Variants in NUP160 observed in about 807,000 individuals in gnomAD.
The protein encoded by NUP160 is nucleoporin 160, also known as nuclear pore complex protein Nup160.
NUP160 carries 94 observed loss-of-function variants against 196.9 expected under a neutral mutation model. The ratio of observed to expected loss-of-function variants is 0.48; its 90% CI spans 0.40 to 0.57. The LOEUF is 0.57. NUP160 is among the 20% of genes least tolerant of loss of function. NUP160 has a pLI of 0.00. For missense variants in NUP160, 1,638 were observed against 1,748.3 expected, an observed-to-expected ratio of 0.94 and a Z score of 1.13; for synonymous variants, 605 against 619.7, an observed-to-expected ratio of 0.98 and a Z score of 0.35.
chr11:47,793,763 G>A (rs1169864820), intron 27 of NUP160, among the ~76,000 whole-genome samples: 4 of 60,968 alleles, frequency 6.6e-5, no homozygotes, highest in Middle Eastern at 8.3e-3. Flanking sequence ...TTTTTGAGAC[G>A]GAGTTTTGTT....
At chr11:47,808,511 G>C in exon 18 of NUP160, 1 of 1,613,862 alleles carries the variant, frequency 6.2e-7, no homozygotes, top group Non-Finnish European at 8.5e-7. Context: ...TGAAAGAGCT[G>C]ACCAGTTCCC....
chr11:47,803,178 T>TAATAATAAC (rs1057398223), intron 22 of NUP160, among the ~76,000 whole-genome samples: 1 of 148,548 alleles, frequency 6.7e-6, no homozygotes, highest in Non-Finnish European at 1.5e-5. Flanking sequence ...ATAATAATAA[T>TAATAATAAC]AAAAGGAATC....
exon 1 of NUP160, chr11:47,848,398 G>A (rs745622050): frequency 2.2e-5 from 35 of 1,594,532 alleles, no homozygotes; most frequent in Non-Finnish European, 2.4e-5. Flanking sequence ...TGGGGCGGGC[G>A]GAGCTGCGGA....
At chr11:47,812,672 G>A (rs888717686) in intron 15 of NUP160, among the ~76,000 whole-genome samples, 1 of 152,142 alleles carries the variant, frequency 6.6e-6, no homozygotes. Context: ...TCGGTTAATT[G>A]TTAAAGCATA....
intron 18 of NUP160, 109 bp from the exon 19 acceptor site, chr11:47,807,249 A>T (rs1202086185): frequency 8.9e-5 from 61 of 689,154 alleles, no homozygotes; most frequent in Non-Finnish European, 2.5e-6. Flanking sequence ...AATTGCACAT[A>T]AAAGCTCCAC....
intron 11 of NUP160, among the ~76,000 whole-genome samples, chr11:47,817,147 C>CTAT (rs753493865): frequency 2.7e-4 from 41 of 150,836 alleles, no homozygotes; most frequent in Admixed American, 5.3e-4. Flanking sequence ...GGCTATTTTT[C>CTAT]TATTATTATT....
At chr11:47,842,408 C>T (rs189144961) in intron 2 of NUP160, among the ~76,000 whole-genome samples, 6 of 152,300 alleles carry the variant, frequency 3.9e-5, no homozygotes, top group Admixed American at 2.6e-4. Flanking sequence ...ATAATTCCTT[C>T]GCTTTCCTGC....
At chr11:47,817,287 G>C (rs1205653466) in intron 11 of NUP160, among the ~76,000 whole-genome samples, 1 of 151,058 alleles carries the variant, frequency 6.6e-6, no homozygotes, top group Non-Finnish European at 1.5e-5. Flanking sequence ...GTTGGCCAAA[G>C]AATCCTTTTG....
intron 7 of NUP160, among the ~76,000 whole-genome samples, chr11:47,822,725 C>A (rs1285114368): frequency 6.6e-6 from 1 of 152,160 alleles, no homozygotes; most frequent in Non-Finnish European, 1.5e-5. Flanking sequence ...CCCACTCCCC[C>A]TACCCCACGA....
chr11:47,806,628 C>T (rs2097677816), intron 19 of NUP160: 1 of 270,192 alleles, frequency 3.7e-6, no homozygotes. Context: ...AACTTTTATA[C>T]CAGAACAATA....
exon 27 of NUP160, chr11:47,797,814 T>C: frequency 1.2e-6 from 2 of 1,613,242 alleles, no homozygotes; most frequent in African/African-American, 1.3e-5. Flanking sequence ...GTGAAAGGCA[T>C]ACAGAAGTTC....
chr11:47,840,421 A>G (rs1284121526), exon 3 of NUP160: 2 of 1,614,170 alleles, frequency 1.2e-6, no homozygotes, highest in South Asian at 1.1e-5. Flanking sequence ...TAACCTGTGC[A>G]CTGTTTGATT....
At chr11:47,822,144 C>G in exon 8 of NUP160, 1 of 1,608,284 alleles carries the variant, frequency 6.2e-7, no homozygotes, top group East Asian at 2.2e-5. Flanking sequence ...TCTCAGTGCT[C>G]ACCAACTGGA....
At chr11:47,800,395 CTT>C (rs984091868) in intron 23 of NUP160, among the ~76,000 whole-genome samples, 5 of 143,028 alleles carry the variant, frequency 3.5e-5, no homozygotes, top group African/African-American at 2.5e-5. Context: ...GGGTTTTTTT[CTT>C]TTTTTTTTTT....
At chr11:47,848,489 CGAG>C, upstream of NUP160, 1 of 1,277,956 alleles carries the variant, frequency 7.8e-7, no homozygotes, top group Admixed American at 2.6e-5. Context: ...GGGTGGGCAG[CGAG>C]GAATCCAGAA....
chr11:47,779,948 G>A (rs909635511), intron 35 of NUP160, among the ~76,000 whole-genome samples: 1 of 152,128 alleles, frequency 6.6e-6, no homozygotes, highest in East Asian at 1.9e-4. Context: ...AGCTGATCTC[G>A]AACTCCTGAC....
chr11:47,784,189 T>C (rs2097663205), intron 33 of NUP160, among the ~76,000 whole-genome samples: 1 of 152,256 alleles, frequency 6.6e-6, no homozygotes, highest in South Asian at 2.1e-4. Context: ...TCTTAAAATG[T>C]AGATTTCTGG....
chr11:47,782,302 AAATAT>A (rs1465681737), intron 34 of NUP160, among the ~76,000 whole-genome samples: 8 of 42,600 alleles, frequency 1.9e-4, no homozygotes, highest in Non-Finnish European at 3.3e-4. Context: ...AAAAAAAAAA[AAATAT>A]ATATATATAT....
intron 8 of NUP160, 124 bp downstream of exon 8, chr11:47,821,963 A>C: frequency 1.0e-6 from 1 of 979,304 alleles, no homozygotes; most frequent in Non-Finnish European, 1.6e-6. Flanking sequence ...TCTAAATGAA[A>C]TTTTGTTCCA....
Sources: gnomAD v4.1 joint callset for allele counts (sites outside exome capture counted in the v4.1 genomes callset) on GRCh38, gnomAD v4.1.1 for gene constraint, MANE v1.5 for transcripts, NCBI Gene and HGNC (gene_info 2026-07-23, HGNC 2026-07-21) for gene names.